DIAPH2: variants seen among roughly 807,000 people sequenced by gnomAD.
The protein encoded by DIAPH2 is diaphanous related formin 2, also known as protein diaphanous homolog 2.
In DIAPH2, 35 loss-of-function variants were observed where a neutral mutation model predicts 92.7. That is an observed-to-expected ratio of 0.38 (90% CI 0.29 to 0.50). The LOEUF (loss-of-function observed/expected upper bound fraction) is 0.50, where lower values mean the gene tolerates loss of function less well. Among genes scored for constraint, DIAPH2 ranks in the 20% least tolerant of loss-of-function variants. The pLI is 0.94. For synonymous variants in DIAPH2, 301 were observed against 280.4 expected, an observed-to-expected ratio of 1.07 and a Z score of -0.73; for missense variants, 701 against 819.5, an observed-to-expected ratio of 0.86 and a Z score of 1.77.
In DIAPH2 at chrX:97,532,776, C is replaced by A. The variant is rs1602652559; in HGVS notation, c.3242-66477C>A. ...TCTCCTTACTTAACATAAAATAAAA[C>A]CCATATTAAGATATTAGTTCCTCCT... On this transcript the variant is annotated intron_variant, in intron 26 of 26. Transcript: ENST00000324765. 3.6e-5 allele frequency among the ~76,000 whole-genome samples: 4 copies of A among 111,683 alleles called. No homozygotes were observed. The South Asian group carries it at 1.5e-3, about 42-fold the overall frequency.
Position 96,962,404 on chromosome X carries a change from CACATATATATAT to C in DIAPH2, c.1936-2685_1936-2674del. Among the ~76,000 whole-genome samples the C allele has an allele frequency of 6.1e-4, 30 of 48,855 alleles. 3 individuals are homozygous for C. The highest frequency in any genetic ancestry group is 2.7e-3 in the African/African-American group (30 of 10,956). 42.4% of individuals were successfully genotyped at this position (48,855 alleles called of 115,157 possible). A position where few individuals can be genotyped will look rare whatever the true frequency, so the allele number is the denominator to read the frequency against. ...ACACATATATATACACATATATATA[CACATATATATAT>C]ACACATATATATACATATATATATA... On this transcript the variant is annotated intron_variant, in intron 16 of 26. Coordinates refer to ENST00000324765, the MANE Select transcript of DIAPH2 (RefSeq NM_006729.5).
intron 26 of DIAPH2, among the ~76,000 whole-genome samples, chrX:97,560,100 C>T (rs1377332004): frequency 1.8e-5 from 2 of 111,634 alleles, no homozygotes; most frequent in South Asian, 3.8e-4. Flanking sequence ...ACCCATATGC[C>T]AGGAACAGCA....
At chrX:97,058,680 T>C (rs764289773) in intron 17 of DIAPH2, among the ~76,000 whole-genome samples, 23 of 110,969 alleles carry the variant, frequency 2.1e-4, no homozygotes, top group African/African-American at 7.2e-4. Context: ...ACTTAGGCTT[T>C]AGTTACACCT....
At chrX:97,357,488 A>G (rs2147701277) in intron 24 of DIAPH2, among the ~76,000 whole-genome samples, 1 of 99,733 alleles carries the variant, frequency 1.0e-5, no homozygotes, top group East Asian at 3.8e-4. Flanking sequence ...CCAGTTGCCT[A>G]CCAACTTGTT....
At chrX:96,900,067 A>T (rs1338165008) in intron 5 of DIAPH2, among the ~76,000 whole-genome samples, 1 of 111,865 alleles carries the variant, frequency 8.9e-6, no homozygotes, top group Non-Finnish European at 1.9e-5. Context: ...GTTTGGCAGC[A>T]TGGTCATTTT....
At position 96,785,475 on chromosome X, in the gene DIAPH2, CTTTTTTTTT is replaced by C. The variant is rs1157552270; in HGVS notation, c.447+27231_447+27239del. Among the ~76,000 whole-genome samples the C allele has an allele frequency of 4.1e-3, 234 of 57,185 alleles. 1 individual carries two copies. The highest frequency in any genetic ancestry group is 8.5e-3 in the South Asian group (9 of 1,059). The allele number at this position is 57,185 out of a possible 115,157, so 49.7% of individuals were successfully genotyped here. On this transcript the variant is annotated intron_variant, in intron 4 of 26. Transcript: ENST00000324765. ...AGAGACAAAAGGTGGCCAAACTTGCCTTTTTTTTTTTTTTTTTTTTTTGGAGACAGAGTT... is the reference window on the plus strand; with the variant it reads ...AGAGACAAAAGGTGGCCAAACTTGCCTTTTTTTTTTTTTGGAGACAGAGTT...
At chrX:97,436,064 A>C (rs1256135370) in intron 26 of DIAPH2, among the ~76,000 whole-genome samples, 11 of 111,391 alleles carry the variant, frequency 9.9e-5, no homozygotes, top group East Asian at 8.5e-4. Flanking sequence ...CTTGGCCTCC[A>C]AAAGTGCTGG....
intron 23 of DIAPH2, among the ~76,000 whole-genome samples, chrX:97,296,345 C>T (rs1436911336): frequency 1.8e-5 from 2 of 111,752 alleles, no homozygotes; most frequent in African/African-American, 3.2e-5. Context: ...TAATTACTTC[C>T]TGAAACACCA....
intron 4 of DIAPH2, among the ~76,000 whole-genome samples, chrX:96,878,532 A>G (rs891111631): frequency 5.4e-5 from 6 of 111,934 alleles, no homozygotes; most frequent in South Asian, 3.7e-4. Context: ...CATCTGTTCT[A>G]TAAAGTTATA....
At chrX:96,914,007 T>G (rs1273241736) in intron 7 of DIAPH2, among the ~76,000 whole-genome samples, 1 of 110,837 alleles carries the variant, frequency 9.0e-6, no homozygotes, top group African/African-American at 3.3e-5. Flanking sequence ...TAGAAATAAT[T>G]ACAACAACAA....
At chrX:97,308,969 G>A (rs1165570159) in intron 23 of DIAPH2, among the ~76,000 whole-genome samples, 2 of 106,562 alleles carry the variant, frequency 1.9e-5, no homozygotes, top group Non-Finnish European at 3.9e-5. Flanking sequence ...AGTGAGCTGA[G>A]ATCGTGCCAT....
At chrX:96,881,100 T>A (rs1198217177) in intron 4 of DIAPH2, among the ~76,000 whole-genome samples, 1 of 111,475 alleles carries the variant, frequency 9.0e-6, no homozygotes, top group South Asian at 3.8e-4. Context: ...TTTTCACTTA[T>A]TTTTTTTAGA....
At chrX:96,726,920 GCT>G (rs1487699112) in intron 1 of DIAPH2, among the ~76,000 whole-genome samples, 1 of 111,821 alleles carries the variant, frequency 8.9e-6, no homozygotes, top group Non-Finnish European at 1.9e-5. Flanking sequence ...GACCAAACTT[GCT>G]GATCTCTGCA....
intron 7 of DIAPH2, 116 bp from the exon 8 acceptor site, chrX:96,916,322 G>C (rs2065503467): frequency 1.6e-6 from 1 of 624,866 alleles, no homozygotes; most frequent in African/African-American, 2.4e-5. Context: ...CATATAATTA[G>C]GTAGAACCTC....
chrX:96,807,276 G>A (rs1180545022), intron 4 of DIAPH2, among the ~76,000 whole-genome samples: 2 of 111,498 alleles, frequency 1.8e-5, no homozygotes, highest in Admixed American at 9.5e-5. Context: ...GTGTTAAAGA[G>A]GAATCACTAA....
rs766791653 is a variant in DIAPH2, at chrX:97,534,948, G to T, written c.3242-64305G>T. ...CATATAACCCCAGTCTAATTATGCGGAAATTGTCAGACAAACCCAAATTGA... is the reference window on the plus strand; with the variant it reads ...CATATAACCCCAGTCTAATTATGCGTAAATTGTCAGACAAACCCAAATTGA... On this transcript the variant is annotated intron_variant, in intron 26 of 26. Coordinates refer to ENST00000324765, the MANE Select transcript of DIAPH2 (RefSeq NM_006729.5). 2.6e-4 allele frequency among the ~76,000 whole-genome samples: 29 copies of T among 110,892 alleles called. 1 individual carries two copies. The highest frequency in any genetic ancestry group is 8.5e-4 in the African/African-American group (26 of 30,538).
intron 26 of DIAPH2, among the ~76,000 whole-genome samples, chrX:97,451,966 T>C (rs766264470): frequency 8.9e-5 from 10 of 111,786 alleles, no homozygotes; most frequent in African/African-American, 2.6e-4. Context: ...AGCTATGCTA[T>C]TGTAGTAAAA....
At chrX:97,122,230 A>G (rs1158074432) in intron 21 of DIAPH2, among the ~76,000 whole-genome samples, 1 of 111,516 alleles carries the variant, frequency 9.0e-6, no homozygotes, top group African/African-American at 3.3e-5. Context: ...ATTTTAATTC[A>G]GCTTGGTGTA....
chrX:96,882,959 C>CAAAAAAAAAAAA (rs1211958338), intron 5 of DIAPH2, among the ~76,000 whole-genome samples: 9 of 31,978 alleles, frequency 2.8e-4, no homozygotes, highest in Non-Finnish European at 5.0e-4. Flanking sequence ...ACCCTGTCTC[C>CAAAAAAAAAAAA]AAAAAAAAAA....
Sources: gnomAD v4.1 joint callset for allele counts (sites outside exome capture counted in the v4.1 genomes callset) on GRCh38, gnomAD v4.1.1 for gene constraint, MANE v1.5 for transcripts, NCBI Gene and HGNC (gene_info 2026-07-23, HGNC 2026-07-21) for gene names.